The following NCOR1 variants were observed in gnomAD, a reference collection of about 807,000 sequenced individuals.
NCOR1 encodes nuclear receptor corepressor 1.
In NCOR1, 63 loss-of-function variants were observed where a neutral mutation model predicts 288.1. The ratio of observed to expected loss-of-function variants is 0.22; its 90% CI spans 0.18 to 0.27. The LOEUF (loss-of-function observed/expected upper bound fraction) is 0.27. NCOR1 is among the 10% of genes least tolerant of loss of function. The probability of loss-of-function intolerance (pLI) is 1.00; values close to 1 mark genes in which losing one functional copy is unlikely to be tolerated. For missense variants in NCOR1, 2,397 were observed against 3,019.2 expected, an observed-to-expected ratio of 0.79 and a Z score of 4.83; for synonymous variants, 1,007 against 1,065.9, an observed-to-expected ratio of 0.94 and a Z score of 1.08.
chr17:16,075,793 A>T, intron 26 of NCOR1, 91 bp from the exon 27 acceptor site: 1 of 1,383,428 alleles, frequency 7.2e-7, no homozygotes. Context: ...TGACAGAGTC[A>T]GGCTAATCTA....
chr17:16,037,640 C>T (rs2056691213), intron 44 of NCOR1, among the ~76,000 whole-genome samples: 1 of 152,074 alleles, frequency 6.6e-6, no homozygotes, highest in Non-Finnish European at 1.5e-5. Context: ...AATGACCAAC[C>T]CCCCTTTCCC....
chr17:16,051,740 C>T (rs767876639), intron 40 of NCOR1, among the ~76,000 whole-genome samples: 22 of 151,852 alleles, frequency 1.4e-4, no homozygotes, highest in Non-Finnish European at 2.5e-4. Flanking sequence ...GGAGAAACCC[C>T]GTCTCTACTA....
intron 22 of NCOR1, chr17:16,087,072 C>T: frequency 1.2e-6 from 1 of 858,966 alleles, no homozygotes. Context: ...ACAGCAAGGA[C>T]ACGTCCTGGA....
At chr17:16,042,234 G>T (rs2057847573) in intron 42 of NCOR1, among the ~76,000 whole-genome samples, 1 of 152,168 alleles carries the variant, frequency 6.6e-6, no homozygotes, top group Non-Finnish European at 1.5e-5. Flanking sequence ...TGGGCCAGGT[G>T]ACAAGGTAAA....
At chr17:16,168,919 A>C (rs536857265) in intron 4 of NCOR1, among the ~76,000 whole-genome samples, 1 of 151,550 alleles carries the variant, frequency 6.6e-6, no homozygotes, top group East Asian at 1.9e-4. Context: ...AGCCAAGATC[A>C]CACCACTGCA....
intron 6 of NCOR1, among the ~76,000 whole-genome samples, chr17:16,156,781 A>G (rs969912272): frequency 6.6e-6 from 1 of 152,164 alleles, no homozygotes; most frequent in African/African-American, 2.4e-5. Context: ...ATTAATAAAA[A>G]CATCTATATA....
intron 42 of NCOR1, among the ~76,000 whole-genome samples, chr17:16,046,367 C>T (rs930336864): frequency 3.9e-5 from 6 of 152,172 alleles, no homozygotes; most frequent in African/African-American, 1.2e-4. Flanking sequence ...AGGCTGCCAA[C>T]AAAACAGCTA....
Position 16,032,402 on chromosome 17 carries a change from G to A in NCOR1, c.7217C>T (p.Ser2406Phe). ...TPPTPIACAPSAVNQAAPHQQ... is the reference protein window; with the variant it reads ...TPPTPIACAPFAVNQAAPHQQ... The stretch of plus-strand genomic sequence containing the variant: ...GTGAGGAGCTGCTTGGTTCACCGCA[G>A]AGGGAGCACATGCAATCGGTGTTGG... Residue 2406 changes from serine (S) to phenylalanine (F), a missense_variant, in exon 46 of 46, where the codon TCT (serine) becomes TTT (phenylalanine). Physicochemically the swap from Ser to Phe is radical, Grantham distance 155 (BLOSUM62 -2). This residue lies in a region of NCOR1 where 1,872 missense variants were observed against 2,187.8 expected (regional missense o/e 0.86). Coordinates refer to ENST00000268712, the MANE Select transcript of NCOR1 (RefSeq NM_006311.4). 1 of 1,614,158 alleles carries A rather than the reference G, an allele frequency of 6.2e-7. No homozygotes were observed.
At chr17:16,080,120 TA>T (rs1244991601) in intron 25 of NCOR1, 56 bp from the exon 26 acceptor site, 3 of 1,430,740 alleles carry the variant, frequency 2.1e-6, no homozygotes, top group South Asian at 1.2e-5. Flanking sequence ...CCCCAAAACA[TA>T]AAAAAACAGC....
chr17:16,092,695 ATTTTTTTTTT>A (rs1184440315), intron 21 of NCOR1, among the ~76,000 whole-genome samples: 31 of 22,602 alleles, frequency 1.4e-3, no homozygotes, highest in South Asian at 3.2e-3. Flanking sequence ...ATATATATAT[ATTTTTTTTTT>A]TTTTTTTTTT....
At chr17:16,147,861 C>G (rs1162882942) in intron 9 of NCOR1, among the ~76,000 whole-genome samples, 1 of 152,220 alleles carries the variant, frequency 6.6e-6, no homozygotes, top group Non-Finnish European at 1.5e-5. Context: ...TCTTGTTGCC[C>G]AGGCTGGAGT....
At chr17:16,182,645 G>C (rs1302334046) in intron 3 of NCOR1, among the ~76,000 whole-genome samples, 62 of 152,028 alleles carry the variant, frequency 4.1e-4, no homozygotes, top group Non-Finnish European at 2.9e-5. Context: ...TAGTAGATGA[G>C]GTTTCACCGT....
intron 21 of NCOR1, among the ~76,000 whole-genome samples, chr17:16,092,744 G>T (rs2065636300): frequency 7.9e-6 from 1 of 127,204 alleles, no homozygotes; most frequent in Non-Finnish European, 1.6e-5. Context: ...TGTTGCCCAG[G>T]CTGCAGTGCA....
chr17:16,049,100 A>G (rs2152475778), intron 40 of NCOR1, 112 bp from the exon 41 acceptor site: 2 of 1,161,568 alleles, frequency 1.7e-6, no homozygotes, highest in East Asian at 5.2e-5. Context: ...AAAAGCTGCC[A>G]ATTTCTATCA....
chr17:16,082,157 A>G (rs1340379565), intron 23 of NCOR1, among the ~76,000 whole-genome samples: 1 of 152,170 alleles, frequency 6.6e-6, no homozygotes, highest in Non-Finnish European at 1.5e-5. Context: ...AAAGTCACTA[A>G]GCAAATAATA....
intron 6 of NCOR1, among the ~76,000 whole-genome samples, chr17:16,157,199 A>T (rs1245011682): frequency 6.6e-6 from 1 of 152,142 alleles, no homozygotes; most frequent in Non-Finnish European, 1.5e-5. Context: ...ACAAGGGAGC[A>T]ACTGTATATC....
rs578221584 is a variant in NCOR1, at chr17:16,206,748, T to C, written c.-71+8614A>G. Among the ~76,000 whole-genome samples, 4 of 152,092 alleles carry C rather than the reference T, an allele frequency of 2.6e-5. No individual in the cohort carries two copies. In the East Asian group the frequency reaches 7.7e-4, roughly 29 times the overall value. ...AGTTGCTGTTAATGATTGATAGAGG[T>C]AACTGAAATAAATAGACAAACTTGG... On this transcript the variant is annotated intron_variant, in intron 1 of 45. Transcript: ENST00000268712.
intron 1 of NCOR1, among the ~76,000 whole-genome samples, chr17:16,202,113 A>C (rs2090893656): frequency 6.6e-6 from 1 of 151,660 alleles, no homozygotes; most frequent in Admixed American, 6.6e-5. Context: ...AATCCCAGCT[A>C]CTTGGGAGGC....
chr17:16,161,230 G>GAC (rs67635232), intron 5 of NCOR1, among the ~76,000 whole-genome samples: 13,527 of 143,018 alleles, frequency 0.095, 624 homozygotes, highest in East Asian at 0.16. Context: ...AACACACACA[G>GAC]ACACACACAC....
Sources: gnomAD v4.1 joint callset for allele counts (sites outside exome capture counted in the v4.1 genomes callset) on GRCh38, gnomAD v4.1.1 for gene constraint, gnomAD v4.1.1 regional missense constraint, MANE v1.5 for transcripts, NCBI Gene and HGNC (gene_info 2026-07-23, HGNC 2026-07-21) for gene names.